Variants in SLC35F1 observed in about 807,000 individuals in gnomAD.
SLC35F1 encodes solute carrier family 35 member F1, also known as chromosome 6 open reading frame 169.
Under a neutral mutation model 48.7 loss-of-function variants are expected in SLC35F1, and 14 were observed. That is an observed-to-expected ratio of 0.29 (90% CI 0.19 to 0.45). The LOEUF (loss-of-function observed/expected upper bound fraction) is 0.45, where lower values mean the gene tolerates loss of function less well. SLC35F1 is among the 20% of genes least tolerant of loss of function. The pLI, the probability that SLC35F1 is intolerant of heterozygous loss-of-function variation, is 1.00. For missense variants in SLC35F1, 404 were observed against 500.0 expected (o/e 0.81, Z 1.83); for synonymous variants, 190 against 202.2 (o/e 0.94, Z 0.51).
Position 118,285,166 on chromosome 6 carries a change from T to C in SLC35F1, c.848-18T>C. The C allele has an allele frequency of 6.2e-7, 1 of 1,611,356 alleles. No homozygotes were observed. Among genetic ancestry groups the C allele is most frequent in the Non-Finnish European group, 8.5e-7 (1 of 1,177,866 alleles). ...TGGAGGAGGCCCTGACGCTGCCTTCTCTTTACTCTTCCCCCAGGACTGCTC... is the reference window on the plus strand; with the variant it reads ...TGGAGGAGGCCCTGACGCTGCCTTCCCTTTACTCTTCCCCCAGGACTGCTC... On this transcript the variant is annotated intron_variant, in intron 6 of 7. Transcript: ENST00000360388.
At chr6:118,206,166 C>G (rs1427698067) in intron 2 of SLC35F1, among the ~76,000 whole-genome samples, 1 of 152,176 alleles carries the variant, frequency 6.6e-6, no homozygotes, top group East Asian at 1.9e-4. Context: ...ATTAATTTAT[C>G]TTATGTATAT....
intron 1 of SLC35F1, among the ~76,000 whole-genome samples, chr6:117,937,565 G>T (rs1483901797): frequency 6.6e-6 from 1 of 152,094 alleles, no homozygotes; most frequent in African/African-American, 2.4e-5. Flanking sequence ...TGAATAAACA[G>T]ATAATAAATC....
intron 1 of SLC35F1, among the ~76,000 whole-genome samples, chr6:118,004,797 C>T (rs1174028292): frequency 6.6e-6 from 1 of 151,890 alleles, no homozygotes; most frequent in African/African-American, 2.4e-5. Context: ...GATCCTCCCG[C>T]CTTGGCCTCT....
rs558842828 is a variant in SLC35F1 at position 118,089,621 on chromosome 6, C to T, written c.174-64824C>T. ...TAAAAAACAAAATCAACAACACACA[C>T]AAAGAGGCCTCAAACTGCTACCTAA... On this transcript the variant is annotated intron_variant, in intron 1 of 7. Transcript: ENST00000360388. Among the ~76,000 whole-genome samples, 38 of 152,272 alleles carry T rather than the reference C, an allele frequency of 2.5e-4. 1 individual carries two copies. The South Asian group carries it at 7.7e-3, about 31-fold the overall frequency.
At chr6:118,048,901 G>A (rs990346045) in intron 1 of SLC35F1, among the ~76,000 whole-genome samples, 14 of 152,002 alleles carry the variant, frequency 9.2e-5, no homozygotes, top group South Asian at 2.1e-4. Context: ...AGCCCGCATC[G>A]CCAAGTCAAT....
Position 118,155,492 on chromosome 6 carries a change from T to G in SLC35F1, c.349+872T>G, listed in dbSNP as rs1344144380. 5.3e-5 allele frequency among the ~76,000 whole-genome samples: 8 copies of G among 152,344 alleles called. 1 individual carries two copies. In the South Asian group the frequency reaches 1.7e-3, roughly 32 times the overall value. ...CCCTCTCCTGCTCTCTCATGTGTGCTCTTGTGCCTGTCTGCCATGTGAGGA... is the reference window on the plus strand; with the variant it reads ...CCCTCTCCTGCTCTCTCATGTGTGCGCTTGTGCCTGTCTGCCATGTGAGGA... On this transcript the variant is annotated intron_variant, in intron 2 of 7. Coordinates refer to ENST00000360388, the MANE Select transcript of SLC35F1 (RefSeq NM_001029858.4).
intron 2 of SLC35F1, among the ~76,000 whole-genome samples, chr6:118,165,333 A>G (rs1172656369): frequency 6.6e-6 from 1 of 152,148 alleles, no homozygotes; most frequent in Non-Finnish European, 1.5e-5. Context: ...AGCCTTAACT[A>G]ATAGACAAAT....
chr6:117,921,015 G>A (rs1247195733), intron 1 of SLC35F1, among the ~76,000 whole-genome samples: 3 of 150,794 alleles, frequency 2.0e-5, no homozygotes, highest in Non-Finnish European at 2.9e-5. Context: ...TTGTCTATCC[G>A]CCTGAGTCTC....
chr6:118,116,198 T>C (rs531805233), intron 1 of SLC35F1, among the ~76,000 whole-genome samples: 5 of 152,182 alleles, frequency 3.3e-5, no homozygotes, highest in Non-Finnish European at 5.9e-5. Flanking sequence ...TGCCACTTTA[T>C]AGAGTGGGAG....
chr6:118,299,193 C>G (rs1776228182), intron 7 of SLC35F1, among the ~76,000 whole-genome samples: 1 of 152,094 alleles, frequency 6.6e-6, no homozygotes, highest in Non-Finnish European at 1.5e-5. Flanking sequence ...AACAAACAAA[C>G]AATAAAACCT....
rs541614485 is a variant in SLC35F1 at position 118,276,270 on chromosome 6, C to T, written c.794+655C>T. Reference sequence around the variant, plus strand: ...ATAAGTTTCAATCAAAGCAATTTTCCACCAGTAAAGACCAATATTTTAGCT... The same window carrying T: ...ATAAGTTTCAATCAAAGCAATTTTCTACCAGTAAAGACCAATATTTTAGCT... On this transcript the variant is annotated intron_variant, in intron 5 of 7. Transcript: ENST00000360388. Among the ~76,000 whole-genome samples the T allele has an allele frequency of 2.0e-5, 3 of 152,274 alleles. No homozygotes were observed. In the East Asian group the frequency reaches 5.8e-4, roughly 29 times the overall value.
chr6:117,917,422 A>G (rs1049598924), intron 1 of SLC35F1, among the ~76,000 whole-genome samples: 10 of 151,932 alleles, frequency 6.6e-5, no homozygotes, highest in African/African-American at 2.4e-4. Context: ...CATACCTACT[A>G]GATGAAAGAG....
intron 1 of SLC35F1, among the ~76,000 whole-genome samples, chr6:117,961,900 T>C (rs1010822391): frequency 2.0e-5 from 3 of 152,204 alleles, no homozygotes; most frequent in South Asian, 4.1e-4. Context: ...TACATAAATA[T>C]ATGTGGAGAA....
intron 2 of SLC35F1, among the ~76,000 whole-genome samples, chr6:118,195,265 A>G (rs2114527869): frequency 6.6e-6 from 1 of 152,300 alleles, no homozygotes; most frequent in South Asian, 2.1e-4. Context: ...ACTAAGATAA[A>G]AGGTTAGCAG....
At chr6:118,273,367 A>C (rs923111287) in intron 4 of SLC35F1, among the ~76,000 whole-genome samples, 11 of 152,162 alleles carry the variant, frequency 7.2e-5, no homozygotes, top group Non-Finnish European at 1.5e-4. Context: ...AGCTTTCTTC[A>C]ATTCATTCTA....
At chr6:117,951,333 T>A (rs1393124374) in intron 1 of SLC35F1, among the ~76,000 whole-genome samples, 1 of 152,172 alleles carries the variant, frequency 6.6e-6, no homozygotes, top group African/African-American at 2.4e-5. Flanking sequence ...CTGTTTGAGG[T>A]CGAAAAACTT....
chr6:118,235,745 C>G, intron 3 of SLC35F1, 109 bp downstream of exon 3: 216 of 1,050,062 alleles, frequency 2.1e-4, no homozygotes, highest in Non-Finnish European at 2.7e-4. Context: ...GTATACTATA[C>G]TATAGTATAC....
At chr6:118,264,712 T>C (rs778807738) in intron 3 of SLC35F1, among the ~76,000 whole-genome samples, 4 of 152,250 alleles carry the variant, frequency 2.6e-5, no homozygotes, top group Non-Finnish European at 5.9e-5. Flanking sequence ...CCTAATTCTG[T>C]AGTGTGCAGC....
At chr6:118,129,240 T>G (rs1218802350) in intron 1 of SLC35F1, among the ~76,000 whole-genome samples, 2 of 152,096 alleles carry the variant, frequency 1.3e-5, no homozygotes, top group Non-Finnish European at 2.9e-5. Flanking sequence ...TAGAGAATAA[T>G]GATAATAGGG....
Sources: gnomAD v4.1 joint callset for allele counts (sites outside exome capture counted in the v4.1 genomes callset) on GRCh38, gnomAD v4.1.1 for gene constraint, MANE v1.5 for transcripts, NCBI Gene and HGNC (gene_info 2026-07-23, HGNC 2026-07-21) for gene names.